The following GRAMD1A variants were observed in gnomAD, a reference collection of about 807,000 sequenced individuals.
The protein encoded by GRAMD1A is GRAM domain containing 1A.
A neutral mutation model predicts 92.0 loss-of-function variants in GRAMD1A; 50 were observed. The ratio of observed to expected loss-of-function variants is 0.54; its 90% CI spans 0.43 to 0.69. GRAMD1A has a LOEUF of 0.69. GRAMD1A is among the 30% of genes least tolerant of loss of function. The pLI is 0.00. For missense variants in GRAMD1A, 819 were observed against 978.9 expected (o/e 0.84, Z 2.18); for synonymous variants, 405 against 403.6 (o/e 1.00, Z -0.04).
Position 35,011,599 on chromosome 19 carries a change from G to C in GRAMD1A, c.606+45G>C, listed in dbSNP as rs2015247765. On this transcript the variant is annotated intron_variant, in intron 7 of 19. Coordinates refer to ENST00000317991, the MANE Select transcript of GRAMD1A (RefSeq NM_020895.5). The stretch of plus-strand genomic sequence containing the variant: ...GGGTGGGGATGGGGGGTTTCCAGGG[G>C]GACCATGGAGCCAGGGACCCCAGAA... 2.2e-6 allele frequency: 3 copies of C among 1,377,960 alleles called. No homozygotes were observed. In the East Asian group the frequency reaches 6.8e-5, roughly 31 times the overall value. The allele number at this position is 1,377,960 out of a possible 1,614,324, so 85.4% of individuals were successfully genotyped here.
intron 11 of GRAMD1A, among the ~76,000 whole-genome samples, chr19:35,017,478 C>A (rs2015724838): frequency 6.6e-6 from 1 of 152,058 alleles, no homozygotes; most frequent in Admixed American, 6.6e-5. Flanking sequence ...GAGAAACTCC[C>A]ATCTGACACG....
In GRAMD1A at chr19:35,023,332, C is replaced by T; in HGVS notation, c.1950C>T (p.Ala650=). 1 of 1,614,064 alleles carries T rather than the reference C, an allele frequency of 6.2e-7. No individual in the cohort carries two copies. The change falls in exon 18 of 20, where the codon GCC becomes GCT. Residue 650 remains alanine, a synonymous_variant. Coordinates refer to ENST00000317991, the MANE Select transcript of GRAMD1A (RefSeq NM_020895.5). The part of the protein sequence containing the change: ...AHTFESWHSL[A]LAKGKFPQTA... The stretch of plus-strand genomic sequence containing the variant: ...CCTTTGAGTCCTGGCACAGCCTGGC[C>T]CTGGCCAAGGGGTGAGTGGGTAGCC...
chr19:35,010,543 G>C (rs886322397), intron 6 of GRAMD1A, 164 bp downstream of exon 6: 7 of 612,162 alleles, frequency 1.1e-5, no homozygotes, highest in African/African-American at 1.1e-4. Flanking sequence ...CCTGATCCCC[G>C]CACCAGCCTC....
chr19:35,022,834 TG>T (rs1382363658), intron 16 of GRAMD1A, 65 bp from the exon 17 acceptor site: 6 of 1,548,648 alleles, frequency 3.9e-6, no homozygotes, highest in Admixed American at 3.7e-5. Flanking sequence ...TGAGGAGGGC[TG>T]GGGGTGTCGG....
upstream of GRAMD1A, among the ~76,000 whole-genome samples, chr19:34,997,335 G>A (rs76967355): frequency 1.3e-3 from 189 of 147,410 alleles, no homozygotes; most frequent in Admixed American, 2.5e-3. Flanking sequence ...CTAAGTGCGT[G>A]CTGGAAGCCC....
At chr19:35,004,462 C>T (rs1300817225) in intron 1 of GRAMD1A, among the ~76,000 whole-genome samples, 1 of 152,150 alleles carries the variant, frequency 6.6e-6, no homozygotes, top group African/African-American at 2.4e-5. Flanking sequence ...CTGCTGCTCT[C>T]TGGGGCTCAT....
At chr19:35,023,632 C>A in intron 19 of GRAMD1A, 85 bp downstream of exon 19, 1 of 1,308,058 alleles carries the variant, frequency 7.6e-7, no homozygotes, top group Non-Finnish European at 1.0e-6. Flanking sequence ...AGGCACTTCC[C>A]CTCTCCGGAT....
upstream of GRAMD1A, among the ~76,000 whole-genome samples, chr19:34,995,574 T>TTTG (rs2013996688): frequency 7.8e-6 from 1 of 127,658 alleles, no homozygotes; most frequent in African/African-American, 3.4e-5. Flanking sequence ...ATCACGGGTT[T>TTTG]TTTTTTTTTT....
chr19:35,007,114 C>T (rs2014878226), intron 1 of GRAMD1A, among the ~76,000 whole-genome samples: 4 of 152,286 alleles, frequency 2.6e-5, no homozygotes, highest in South Asian at 4.1e-4. Context: ...TTTGCTTTTA[C>T]CTGGAGTGAG....
chr19:35,011,549 GA>G lies in GRAMD1A; in HGVS notation c.605del (p.Lys202ArgfsTer3). ...IFRLWQNALL[E>X]KTLSPRELWH... ...CCGCCTCTGGCAGAATGCACTGCTT[GA>G]AAAGGTGGGCCTGGGTGAGGCCCGG... On this transcript the variant is annotated frameshift_variant, in exon 7 of 20. Transcript: ENST00000317991. LOFTEE classifies it high-confidence loss of function. 5 of 1,609,124 alleles carry G rather than the reference GA, an allele frequency of 3.1e-6. No homozygotes were observed. Among genetic ancestry groups the G allele is most frequent in the Non-Finnish European group, 3.4e-6 (4 of 1,178,194 alleles).
In GRAMD1A at chr19:35,000,344, C is replaced by A; in HGVS notation, c.-135C>A. On this transcript the variant is annotated 5_prime_UTR_variant, in exon 1 of 20. Transcript: ENST00000317991. The surrounding 1 kb of genome is among the most constrained non-coding windows in gnomAD (Gnocchi z 4.9). Reference sequence around the variant, plus strand: ...CGGCCTTTTGTGCGGGCGGTTGGGTCGGGTGGGGGCGGCGGCCGCGGAAGG... The same window carrying A: ...CGGCCTTTTGTGCGGGCGGTTGGGTAGGGTGGGGGCGGCGGCCGCGGAAGG... The A allele has an allele frequency of 9.3e-7, 1 of 1,076,482 alleles. No individual in the cohort carries two copies. Among genetic ancestry groups the A allele is most frequent in the South Asian group, 4.4e-5 (1 of 22,830 alleles). 66.7% of individuals were successfully genotyped at this position (1,076,482 alleles called of 1,614,324 possible). A position where few individuals can be genotyped will look rare whatever the true frequency, so the allele number is the denominator to read the frequency against.
At position 35,006,853 on chromosome 19, in the gene GRAMD1A, G is replaced by C. The variant is rs1365629261; in HGVS notation, c.9-2266G>C. 2.6e-5 allele frequency among the ~76,000 whole-genome samples: 4 copies of C among 152,196 alleles called. No homozygotes were observed. In the East Asian group the frequency reaches 5.8e-4, roughly 22 times the overall value. Reference sequence around the variant, plus strand: ...GATAGCCTGGGGTGTGGCGACAGAGGTGCCTGCCTTAGGCTGGATGATGCG... The same window carrying C: ...GATAGCCTGGGGTGTGGCGACAGAGCTGCCTGCCTTAGGCTGGATGATGCG... On this transcript the variant is annotated intron_variant, in intron 1 of 19. Transcript: ENST00000317991.
At chr19:35,023,390 GAGGCCA>G in intron 18 of GRAMD1A, 31 bp from the exon 19 acceptor site, 6 of 1,613,176 alleles carry the variant, frequency 3.7e-6, no homozygotes, top group Non-Finnish European at 5.1e-6. Context: ...CACATCGGGG[GAGGCCA>G]AGGCCCTGCT....
At chr19:35,004,500 A>C (rs1230779917) in intron 1 of GRAMD1A, among the ~76,000 whole-genome samples, 1 of 152,006 alleles carries the variant, frequency 6.6e-6, no homozygotes, top group Non-Finnish European at 1.5e-5. Flanking sequence ...TATGGCGTTC[A>C]CCAGTGTCTG....
chr19:35,011,583 TG>T, intron 7 of GRAMD1A, 29 bp downstream of exon 7: 3 of 1,528,566 alleles, frequency 2.0e-6, no homozygotes, highest in Non-Finnish European at 9.0e-7. Flanking sequence ...CGGGTGGGGA[TG>T]GGGGGTTTCC....
chr19:35,022,981 AC>A, intron 17 of GRAMD1A, 70 bp downstream of exon 17: 2 of 871,402 alleles, frequency 2.3e-6, no homozygotes, highest in Non-Finnish European at 3.1e-6. Flanking sequence ...TCTTCTCCCC[AC>A]CCCATGCCCC....
Position 35,021,825 on chromosome 19 carries a change from G to C in GRAMD1A, c.1714G>C (p.Asp572His). 1 of 1,606,886 alleles carries C rather than the reference G, an allele frequency of 6.2e-7. No homozygotes were observed. Among genetic ancestry groups the C allele is most frequent in the South Asian group, 1.1e-5 (1 of 90,310 alleles). The change falls in exon 15 of 20, where the codon GAT becomes CAT. Residue 572 changes from aspartate (D) to histidine (H), a missense_variant. Asp to His is a moderately conservative substitution (Grantham distance 81). Around this residue, in one of 3 missense-constraint regions of GRAMD1A, gnomAD observed 577 missense variants for 674.6 expected, o/e 0.86. Transcript: ENST00000317991. The surrounding 1 kb of genome is among the most constrained non-coding windows in gnomAD (Gnocchi z 5.3). ...TCACGGGGACGGGCCCCAGCACCCA[G>C]ATCCTGACCCCTGTGCCCGGGCCGG... The part of the protein sequence containing the change: ...RAHGDGPQHP[D>H]PDPCARAGIH...
At chr19:35,026,020 C>A in intron 19 of GRAMD1A, 29 bp from the exon 20 acceptor site, 1 of 1,226,962 alleles carries the variant, frequency 8.2e-7, no homozygotes, top group Non-Finnish European at 1.2e-6. Context: ...CAGCGTTCAC[C>A]CCCGACCCTG....
At chr19:35,014,871 G>T in intron 10 of GRAMD1A, 1 of 153,860 alleles carries the variant, frequency 6.5e-6, no homozygotes, top group Non-Finnish European at 1.4e-5. Flanking sequence ...GTACAAAAAA[G>T]AAAAAAAAGA....
Sources: gnomAD v4.1 joint callset for allele counts (sites outside exome capture counted in the v4.1 genomes callset) on GRCh38, gnomAD v4.1.1 for gene constraint, gnomAD v4.1.1 regional missense constraint, Gnocchi (gnomAD v3.1) non-coding constraint, MANE v1.5 for transcripts, NCBI Gene and HGNC (gene_info 2026-07-23, HGNC 2026-07-21) for gene names.